Variants in FYTTD1 observed in about 807,000 individuals in gnomAD.
FYTTD1 encodes the protein forty-two-three domain containing 1, also known as UAP56-interacting factor.
FYTTD1 carries 22 observed loss-of-function variants against 40.9 expected under a neutral mutation model. The ratio of observed to expected loss-of-function variants is 0.54; its 90% confidence interval spans 0.38 to 0.77. The LOEUF (loss-of-function observed/expected upper bound fraction) is 0.77. Ranked by LOEUF, FYTTD1 falls within the 30% of genes least tolerant of loss-of-function variation. FYTTD1 has a pLI of 0.00. For synonymous variants in FYTTD1, 140 were observed against 137.9 expected, an observed-to-expected ratio of 1.01 and a Z score of -0.10; for missense variants, 351 against 392.2, an observed-to-expected ratio of 0.90 and a Z score of 0.89.
At chr3:197,765,395 C>T (rs1393972734) in intron 2 of FYTTD1, among the ~76,000 whole-genome samples, 1 of 152,148 alleles carries the variant, frequency 6.6e-6, no homozygotes, top group Admixed American at 6.5e-5. Context: ...TAGTACTCAG[C>T]ACAGTGCCTA....
In FYTTD1 at chr3:197,756,507, G is replaced by C; in HGVS notation, c.185G>C (p.Gly62Ala). Residue 62 changes from glycine to alanine, a missense_variant, in exon 2 of 9, where the codon GGT becomes GCT. By Grantham distance (60) the Gly-to-Ala change is moderately conservative. Coordinates refer to ENST00000241502, the MANE Select transcript of FYTTD1 (RefSeq NM_032288.7). ...RLNRRLLQQS[G>A]AQQFRMRVRW... ...AATAGAAGACTCCTCCAGCAAAGTG[G>C]TGCCCAGCAATTCAGGATGAGAGTG... 2.5e-6 allele frequency: 4 copies of C among 1,613,620 alleles called. No individual in the cohort carries two copies. Among genetic ancestry groups the C allele is most frequent in the Non-Finnish European group, 3.4e-6 (4 of 1,179,524 alleles).
At chr3:197,762,958 A>G (rs1382046824) in intron 2 of FYTTD1, among the ~76,000 whole-genome samples, 1 of 152,164 alleles carries the variant, frequency 6.6e-6, no homozygotes, top group East Asian at 1.9e-4. Context: ...CCCGTGATAC[A>G]TGTTTACCTG....
chr3:197,765,855 GCAT>G (rs765724817), intron 2 of FYTTD1, among the ~76,000 whole-genome samples: 28 of 152,008 alleles, frequency 1.8e-4, no homozygotes, highest in Non-Finnish European at 3.1e-4. Context: ...AATTAGCCGG[GCAT>G]CGTATTGGGC....
chr3:197,762,503 C>T (rs978469941), intron 2 of FYTTD1, among the ~76,000 whole-genome samples: 23 of 147,344 alleles, frequency 1.6e-4, no homozygotes, highest in Middle Eastern at 7.9e-3. Context: ...GCAGGAGAAT[C>T]GCTTGAACCT....
At chr3:197,761,448 GAGTGTTCTTCAGTGGTAGAATGTATAA>G (rs1729386195) in intron 2 of FYTTD1, among the ~76,000 whole-genome samples, 1 of 151,210 alleles carries the variant, frequency 6.6e-6, no homozygotes, top group Non-Finnish European at 1.5e-5. Flanking sequence ...AGAACGTATA[GAGTGTTCTTCAGTGGTAGAATGTATAA>G]AGTGTTCTTC....
At chr3:197,773,548 CAA>C (rs771662017) in intron 5 of FYTTD1, 49 bp downstream of exon 5, 5 of 768,474 alleles carry the variant, frequency 6.5e-6, no homozygotes, top group Non-Finnish European at 8.4e-6. Context: ...TGTTTTTTCC[CAA>C]AGAGGATCCT....
chr3:197,756,655 C>G lies in FYTTD1; in HGVS notation c.235+98C>G, dbSNP rs143542773. 2.9e-5 allele frequency: 33 copies of G among 1,128,734 alleles called. No individual in the cohort carries two copies. In the East Asian group the frequency reaches 7.4e-4, roughly 25 times the overall value. The allele number at this position is 1,128,734 out of a possible 1,614,324, so 69.9% of individuals were successfully genotyped here. A position where few individuals can be genotyped will look rare whatever the true frequency, so the allele number is the denominator to read the frequency against. On this transcript the variant is annotated intron_variant, in intron 2 of 8. Coordinates refer to ENST00000241502, the MANE Select transcript of FYTTD1 (RefSeq NM_032288.7). Reference sequence around the variant, plus strand: ...CTTAACGTGGAGGAATGCGTCAGTACTCTTTGTGTTTTGTGTTTCCTCTAT... The same window carrying G: ...CTTAACGTGGAGGAATGCGTCAGTAGTCTTTGTGTTTTGTGTTTCCTCTAT...
At chr3:197,779,499 T>C (rs891169737) in intron 8 of FYTTD1, among the ~76,000 whole-genome samples, 1 of 151,900 alleles carries the variant, frequency 6.6e-6, no homozygotes, top group Non-Finnish European at 1.5e-5. Flanking sequence ...ATTCACTTAC[T>C]TTTGTATTGA....
At chr3:197,767,727 A>G (rs1016331493) in intron 2 of FYTTD1, among the ~76,000 whole-genome samples, 1 of 152,206 alleles carries the variant, frequency 6.6e-6, no homozygotes, top group African/African-American at 2.4e-5. Flanking sequence ...TGCCGGGATT[A>G]CAGGCGTGAG....
rs1404573851 is a variant in FYTTD1, at chr3:197,783,955, G to A, written c.*2046G>A. On this transcript the variant is annotated 3_prime_UTR_variant, in exon 9 of 9. Coordinates refer to ENST00000241502, the MANE Select transcript of FYTTD1 (RefSeq NM_032288.7). ...TCTGTAATTTAATTTTAAGTATAATGTTTTGCCTTTGGTACAACTAAATTA... is the reference window on the plus strand; with the variant it reads ...TCTGTAATTTAATTTTAAGTATAATATTTTGCCTTTGGTACAACTAAATTA... The A allele has an allele frequency of 6.6e-6, 1 of 151,874 alleles. No individual in the cohort carries two copies. Among genetic ancestry groups the A allele is most frequent in the Non-Finnish European group, 1.5e-5 (1 of 67,926 alleles). 9.4% of individuals were successfully genotyped at this position (151,874 alleles called of 1,614,324 possible).
intron 3 of FYTTD1, among the ~76,000 whole-genome samples, chr3:197,769,392 A>G (rs1272816515): frequency 1.3e-5 from 2 of 152,220 alleles, no homozygotes; most frequent in African/African-American, 4.8e-5. Flanking sequence ...GGCCAGATTC[A>G]GAATTTTTAA....
chr3:197,754,524 A>T (rs1729155440), intron 1 of FYTTD1, among the ~76,000 whole-genome samples: 1 of 152,166 alleles, frequency 6.6e-6, no homozygotes, highest in African/African-American at 2.4e-5. Context: ...TGACAAAAAA[A>T]TTGAGTTTAA....
chr3:197,750,552 C>T, intron 1 of FYTTD1: 1 of 985,536 alleles, frequency 1.0e-6, no homozygotes, highest in Non-Finnish European at 1.2e-6. Flanking sequence ...TCGGTTAAAC[C>T]AGCGCTTCCG....
At chr3:197,761,004 AGTTGTTCCTC>A (rs2109041071) in intron 2 of FYTTD1, among the ~76,000 whole-genome samples, 1 of 149,466 alleles carries the variant, frequency 6.7e-6, no homozygotes, top group South Asian at 2.1e-4. Flanking sequence ...GAATGTATAG[AGTTGTTCCTC>A]AGTGGTAGAA....
rs1048541982 is a variant in FYTTD1, at chr3:197,784,576, A to T, written c.*2667A>T. On this transcript the variant is annotated 3_prime_UTR_variant, in exon 9 of 9. Coordinates refer to ENST00000241502, the MANE Select transcript of FYTTD1 (RefSeq NM_032288.7). Reference sequence around the variant, plus strand: ...TTGGGGAGGCCAAGGCGGGCGGATCATGAGGCCAGGAGCAAGACCAGCCTG... The same window carrying T: ...TTGGGGAGGCCAAGGCGGGCGGATCTTGAGGCCAGGAGCAAGACCAGCCTG... The T allele has an allele frequency of 6.6e-6, 1 of 152,230 alleles. No individual in the cohort carries two copies. The highest frequency in any genetic ancestry group is 1.5e-5 in the Non-Finnish European group (1 of 68,050). The allele number at this position is 152,230 out of a possible 1,614,324, so 9.4% of individuals were successfully genotyped here. A position where few individuals can be genotyped will look rare whatever the true frequency, so the allele number is the denominator to read the frequency against.
At chr3:197,766,447 G>GTGTGTGTGTGTGTGTGT (rs1729551349) in intron 2 of FYTTD1, among the ~76,000 whole-genome samples, 1 of 151,058 alleles carries the variant, frequency 6.6e-6, no homozygotes, top group Non-Finnish European at 1.5e-5. Flanking sequence ...GTGTGTGTGT[G>GTGTGTGTGTGTGTGTGT]TGTGTGTGTG....
At chr3:197,768,639 TA>T in intron 3 of FYTTD1, 52 bp downstream of exon 3, 1 of 1,476,366 alleles carries the variant, frequency 6.8e-7, no homozygotes. Flanking sequence ...TTATTTGTAC[TA>T]ACATTTCTGT....
chr3:197,787,147 C>T lies in FYTTD1; in HGVS notation c.*5238C>T. On this transcript the variant is annotated 3_prime_UTR_variant, in exon 9 of 9. Coordinates refer to ENST00000241502, the MANE Select transcript of FYTTD1 (RefSeq NM_032288.7). ...TTTTTTTTTTGGAGACAGTCTTGCT[C>T]TGTTGCCCAGGCTGGAGTGCAGTAG... The T allele has an allele frequency of 8.1e-6, 1 of 123,420 alleles. No homozygotes were observed. Among genetic ancestry groups the T allele is most frequent in the Admixed American group, 1.1e-4 (1 of 9,488 alleles). 7.6% of individuals were successfully genotyped at this position (123,420 alleles called of 1,614,324 possible). A position where few individuals can be genotyped will look rare whatever the true frequency, so the allele number is the denominator to read the frequency against.
chr3:197,777,597 C>T (rs562917761), intron 7 of FYTTD1, among the ~76,000 whole-genome samples: 8 of 152,298 alleles, frequency 5.3e-5, no homozygotes, highest in African/African-American at 1.9e-4. Context: ...TGCTACTTCT[C>T]CTAATCCCTG....
Sources: gnomAD v4.1 joint callset for allele counts (sites outside exome capture counted in the v4.1 genomes callset) on GRCh38, gnomAD v4.1.1 for gene constraint, MANE v1.5 for transcripts, NCBI Gene and HGNC (gene_info 2026-07-23, HGNC 2026-07-21) for gene names.